GTSE1: variants seen among roughly 807,000 people sequenced by gnomAD.
The protein encoded by GTSE1 is G2 and S-phase expressed 1.
In GTSE1, 52 loss-of-function variants were observed where a neutral mutation model predicts 60.5. That is an observed-to-expected ratio of 0.86 (90% CI 0.69 to 1.08). GTSE1 has a LOEUF of 1.08. Among genes scored for constraint, GTSE1 ranks in the 50% least tolerant of loss-of-function variants. GTSE1 has a pLI of 0.00. For synonymous variants in GTSE1, 368 were observed against 386.5 expected (o/e 0.95, Z 0.56); for missense variants, 937 against 961.8 (o/e 0.97, Z 0.34).
In GTSE1 at chr22:46,324,202, G is replaced by A. The variant is rs1026040432; in HGVS notation, c.1505+940G>A. The stretch of plus-strand genomic sequence containing the variant: ...GAGGTCGAACTAGCCAGTCCCTCAC[G>A]TGCTGCGCATGGTGCCATGCTAAGC... On this transcript the variant is annotated intron_variant, in intron 8 of 11. Transcript: ENST00000454366. The surrounding 1 kb of genome is among the most constrained non-coding windows in gnomAD (Gnocchi z 5.2). Among the ~76,000 whole-genome samples, 4 of 152,084 alleles carry A rather than the reference G, an allele frequency of 2.6e-5. No homozygotes were observed. Among genetic ancestry groups the A allele is most frequent in the African/African-American group, 9.7e-5 (4 of 41,408 alleles).
chr22:46,309,305 C>A lies in GTSE1; in HGVS notation c.762+362C>A, dbSNP rs1318758222. ...GCCTCCTTGACCGTGCCTCAGTTTACACTGCATTCCTCCTGGGCACTGAGT... is the reference window on the plus strand; with the variant it reads ...GCCTCCTTGACCGTGCCTCAGTTTAAACTGCATTCCTCCTGGGCACTGAGT... On this transcript the variant is annotated intron_variant, in intron 4 of 11. Transcript: ENST00000454366. This position sits in a 1 kb window ranked among gnomAD's most constrained non-coding sequence, Gnocchi z 6.2. Among the ~76,000 whole-genome samples, 1 of 152,214 alleles carries A rather than the reference C, an allele frequency of 6.6e-6. No individual in the cohort carries two copies. The highest frequency in any genetic ancestry group is 1.5e-5 in the Non-Finnish European group (1 of 68,026).
chr22:46,313,941 G>A lies in GTSE1; in HGVS notation c.979G>A (p.Ala327Thr), dbSNP rs2077763677. 1 of 1,614,148 alleles carries A rather than the reference G, an allele frequency of 6.2e-7. No individual in the cohort carries two copies. The highest frequency in any genetic ancestry group is 1.3e-5 in the African/African-American group (1 of 75,060). ...LKAPGSTSNL[A>T]RKSSSGPVWS... ...AGCACCCGGCTCTACCAGCAATCTC[G>A]CAAGGAAGTCCTCCTCGGGGCCTGT... is the stretch of plus-strand genomic sequence containing the variant. Residue 327 changes from alanine to threonine, a missense_variant, in exon 6 of 12, where the codon GCA becomes ACA. Transcript: ENST00000454366. The surrounding 1 kb of genome is among the most constrained non-coding windows in gnomAD (Gnocchi z 4.4).
chr22:46,326,619 A>T lies in GTSE1; in HGVS notation c.1689A>T (p.Arg563Ser). Residue 563 changes from arginine (R) to serine (S), a missense_variant, in exon 9 of 12, where the codon AGA (arginine) becomes AGT (serine). Physicochemically the swap from Arg to Ser is moderately radical, Grantham distance 110. Transcript: ENST00000454366. ...CTCCCCTGTGTGTGCCAGCTCGGAG[A>T]CGTTCCTCTGAGCCCCGCAAGAACT... is the stretch of plus-strand genomic sequence containing the variant. ...VGSPLCVPAR[R>S]RSSEPRKNSA... The T allele has an allele frequency of 1.2e-6, 2 of 1,613,080 alleles. No homozygotes were observed. Among genetic ancestry groups the T allele is most frequent in the Non-Finnish European group, 1.7e-6 (2 of 1,179,436 alleles).
chr22:46,330,181 C>A lies in GTSE1; in HGVS notation c.*51C>A. The A allele has an allele frequency of 9.1e-7, 1 of 1,095,218 alleles. No homozygotes were observed. The highest frequency in any genetic ancestry group is 1.4e-6 in the Non-Finnish European group (1 of 706,642). The allele number at this position is 1,095,218 out of a possible 1,614,324, so 67.8% of individuals were successfully genotyped here. A position where few individuals can be genotyped will look rare whatever the true frequency, so the allele number is the denominator to read the frequency against. ...AGAACAGCCCTAAAGTGGTTTTCAA[C>A]CCTCAGAAACAAGCTTTAGGCTGGT... On this transcript the variant is annotated 3_prime_UTR_variant, in exon 12 of 12. Transcript: ENST00000454366. This position sits in a 1 kb window ranked among gnomAD's most constrained non-coding sequence, Gnocchi z 6.0.
intron 2 of GTSE1, among the ~76,000 whole-genome samples, chr22:46,301,329 A>G (rs1367413581): frequency 3.3e-5 from 5 of 152,144 alleles, no homozygotes; most frequent in African/African-American, 1.2e-4. Context: ...TTCGATAGGT[A>G]CTGCCAGGCC....
rs1000472131 is a variant in GTSE1, at chr22:46,320,976, C to G, written c.1433-2214C>G. Among the ~76,000 whole-genome samples the G allele has an allele frequency of 5.9e-5, 9 of 151,976 alleles. No individual in the cohort carries two copies. Among genetic ancestry groups the G allele is most frequent in the African/African-American group, 2.2e-4 (9 of 41,444 alleles). The stretch of plus-strand genomic sequence containing the variant: ...CCACCCAGCTGAGGGAGAGGACAAC[C>G]GAGAGGAAGGGGTCTCGGGAGAGAG... On this transcript the variant is annotated intron_variant, in intron 7 of 11. Transcript: ENST00000454366. This position sits in a 1 kb window ranked among gnomAD's most constrained non-coding sequence, Gnocchi z 7.1.
rs532131535 is a variant in GTSE1, at chr22:46,313,614, T to C, written c.928-276T>C. ...ACCTCCACCTCCCGGGTTCAAGCAA[T>C]TCTCCTACCTCAGCCTCCCGAGTAG... On this transcript the variant is annotated intron_variant, in intron 5 of 11. Transcript: ENST00000454366. The surrounding 1 kb of genome is among the most constrained non-coding windows in gnomAD (Gnocchi z 4.4). Among the ~76,000 whole-genome samples the C allele has an allele frequency of 9.8e-4, 149 of 152,312 alleles. 1 individual carries two copies. The highest frequency in any genetic ancestry group is 9.3e-4 in the Non-Finnish European group (63 of 68,026).
intron 2 of GTSE1, among the ~76,000 whole-genome samples, chr22:46,299,209 G>A (rs1294350266): frequency 6.6e-6 from 1 of 152,190 alleles, no homozygotes; most frequent in African/African-American, 2.4e-5. Context: ...CTCTGTCGGG[G>A]GCTCCCCCTC....
chr22:46,302,516 C>T (rs2077694862), intron 2 of GTSE1, among the ~76,000 whole-genome samples: 1 of 151,926 alleles, frequency 6.6e-6, no homozygotes, highest in Non-Finnish European at 1.5e-5. Flanking sequence ...CTGAGACTAC[C>T]ACGCCTAGCT....
In GTSE1 at chr22:46,329,356, A is replaced by G. The variant is rs768248097; in HGVS notation, c.1927-2A>G. ...TGCTCTTAACCTTGGTTTTGTACCC[A>G]GGCTCTTCTTGTAGATATCAAACTG... On this transcript the variant is annotated splice_acceptor_variant, in intron 10 of 11. Coordinates refer to ENST00000454366, the MANE Select transcript of GTSE1 (RefSeq NM_016426.7). LOFTEE classifies it high-confidence loss of function. The surrounding 1 kb of genome is among the most constrained non-coding windows in gnomAD (Gnocchi z 6.4). 48 of 1,612,208 alleles carry G rather than the reference A, an allele frequency of 3.0e-5. No individual in the cohort carries two copies. The highest frequency in any genetic ancestry group is 3.7e-5 in the Non-Finnish European group (44 of 1,178,400).
rs2077704299 is a variant in GTSE1 at position 46,304,178 on chromosome 22, A to T, written c.80-3972A>T. On this transcript the variant is annotated intron_variant, in intron 2 of 11. Transcript: ENST00000454366. The surrounding 1 kb of genome is among the most constrained non-coding windows in gnomAD (Gnocchi z 4.4). ...CTCATTTTTTTTTTTCTTTTTGTAG[A>T]GCTGGGGTCTCGCTATGTTGCGAGG... 6.6e-6 allele frequency among the ~76,000 whole-genome samples: 1 copy of T among 150,948 alleles called. No individual in the cohort carries two copies.
In GTSE1 at chr22:46,312,312, T is replaced by G; in HGVS notation, c.927+7T>G. 6.2e-7 allele frequency: 1 copy of G among 1,606,210 alleles called. No individual in the cohort carries two copies. Among genetic ancestry groups the G allele is most frequent in the Non-Finnish European group, 8.5e-7 (1 of 1,175,708 alleles). On this transcript the variant is annotated splice_region_variant and intron_variant, in intron 5 of 11. Transcript: ENST00000454366. ...GATCCCTGTTCCAAACAAGGTGAGTTGGCTGCTGGGGCCCAAACTTGTGGT... is the reference window on the plus strand; with the variant it reads ...GATCCCTGTTCCAAACAAGGTGAGTGGGCTGCTGGGGCCCAAACTTGTGGT...
chr22:46,326,543 G>A lies in GTSE1; in HGVS notation c.1613G>A (p.Cys538Tyr), dbSNP rs767207792. ...TTGCCCACACCCGCCAGCCGGCGCT[G>A]CTCTGGCCTTCCACCGATGACCCCC... is the stretch of plus-strand genomic sequence containing the variant. ...SALPTPASRR[C>Y]SGLPPMTPKT... is the part of the protein sequence containing the mutation. Residue 538 changes from cysteine to tyrosine, a missense_variant, in exon 9 of 12, where the codon TGC becomes TAC. By Grantham distance (194) the Cys-to-Tyr change is radical. Transcript: ENST00000454366. 10 of 1,614,100 alleles carry A rather than the reference G, an allele frequency of 6.2e-6. No individual in the cohort carries two copies. The South Asian group carries it at 1.1e-4, about 18-fold the overall frequency.
rs2077707820 is a variant in GTSE1 at position 46,304,888 on chromosome 22, A to AG, written c.80-3260dup. Among the ~76,000 whole-genome samples, 1 of 152,212 alleles carries AG rather than the reference A, an allele frequency of 6.6e-6. No homozygotes were observed. On this transcript the variant is annotated intron_variant, in intron 2 of 11. Transcript: ENST00000454366. The surrounding 1 kb of genome is among the most constrained non-coding windows in gnomAD (Gnocchi z 4.4). ...CAGCTACTCGGGAAGCCGAGACAGG[A>AG]GGATCCCTCGAGTCCAGGAGTTCGA...
chr22:46,311,593 A>T (rs575811498), intron 4 of GTSE1, among the ~76,000 whole-genome samples: 8 of 152,218 alleles, frequency 5.3e-5, no homozygotes, highest in African/African-American at 1.9e-4. Flanking sequence ...TACCTTATTA[A>T]CTCTCCTGTT....
At chr22:46,301,100 C>T (rs1017378109) in intron 2 of GTSE1, among the ~76,000 whole-genome samples, 1 of 152,186 alleles carries the variant, frequency 6.6e-6, no homozygotes, top group Admixed American at 6.5e-5. Flanking sequence ...GCTTTTGTAC[C>T]TATATAGGGT....
At position 46,328,853 on chromosome 22, in the gene GTSE1, G is replaced by A; in HGVS notation, c.1890G>A (p.Glu630=). The A allele has an allele frequency of 1.2e-6, 2 of 1,613,986 alleles. No individual in the cohort carries two copies. The highest frequency in any genetic ancestry group is 8.5e-7 in the Non-Finnish European group (1 of 1,180,000). Residue 630 remains glutamate (E), a synonymous_variant, in exon 10 of 12, where the codon GAG becomes GAA. Transcript: ENST00000454366. ...SKSTATEVAR[E]EAKPGGDAAP... The stretch of plus-strand genomic sequence containing the variant: ...GTACTGCCACAGAAGTAGCTCGGGA[G>A]GAAGCCAAGCCGGGTGGAGATGCAG...
At chr22:46,305,362 C>A (rs1235522232) in intron 2 of GTSE1, among the ~76,000 whole-genome samples, 1 of 152,144 alleles carries the variant, frequency 6.6e-6, no homozygotes, top group Non-Finnish European at 1.5e-5. Context: ...GTAATCCCAG[C>A]ACTTTGGAAG....
At chr22:46,302,558 C>G (rs1426367246) in intron 2 of GTSE1, among the ~76,000 whole-genome samples, 2 of 152,008 alleles carry the variant, frequency 1.3e-5, no homozygotes, top group African/African-American at 4.8e-5. Flanking sequence ...GACAAGGTCT[C>G]CCTATGTTGT....
Sources: gnomAD v4.1 joint callset for allele counts (sites outside exome capture counted in the v4.1 genomes callset) on GRCh38, gnomAD v4.1.1 for gene constraint, Gnocchi (gnomAD v3.1) non-coding constraint, MANE v1.5 for transcripts, NCBI Gene and HGNC (gene_info 2026-07-23, HGNC 2026-07-21) for gene names.